Variants in ROBO1 observed in about 807,000 individuals in gnomAD.
The protein encoded by ROBO1 is roundabout guidance receptor 1, also known as roundabout homolog 1.
A neutral mutation model predicts 195.9 loss-of-function variants in ROBO1; 149 were observed. The observed-to-expected ratio is 0.76, with a 90% CI of 0.67 to 0.87. The LOEUF is 0.87. Ranked by LOEUF, ROBO1 falls within the 40% of genes least tolerant of loss-of-function variation. ROBO1 has a pLI of 0.00. For missense variants in ROBO1, 1,933 were observed against 2,068.3 expected (o/e 0.93, Z 1.27); for synonymous variants, 816 against 733.2 (o/e 1.11, Z -1.82).
intron 2 of ROBO1, among the ~76,000 whole-genome samples, chr3:79,356,115 C>T (rs1468169635): frequency 2.0e-5 from 3 of 152,084 alleles, no homozygotes; most frequent in African/African-American, 7.2e-5. Flanking sequence ...CCGAGGCAGG[C>T]AGATCACTTG....
chr3:79,343,356 G>GTGTGGT (rs1231052610), intron 2 of ROBO1, among the ~76,000 whole-genome samples: 1 of 152,166 alleles, frequency 6.6e-6, no homozygotes, highest in Non-Finnish European at 1.5e-5. Flanking sequence ...ATACCGAGGA[G>GTGTGGT]TGTGGTTGCT....
chr3:79,041,406 G>A (rs1325350089), intron 3 of ROBO1, among the ~76,000 whole-genome samples: 1 of 151,790 alleles, frequency 6.6e-6, no homozygotes, highest in Non-Finnish European at 1.5e-5. Context: ...ATATTTGAGA[G>A]GTATTGCCTC....
intron 4 of ROBO1, among the ~76,000 whole-genome samples, chr3:78,936,101 GA>G (rs1247657831): frequency 6.6e-6 from 1 of 151,886 alleles, no homozygotes; most frequent in African/African-American, 2.4e-5. Context: ...CTGATAAATA[GA>G]ATAACTTTGG....
At chr3:79,737,656 C>CAAAA (rs11381251) in intron 1 of ROBO1, among the ~76,000 whole-genome samples, 9 of 149,130 alleles carry the variant, frequency 6.0e-5, no homozygotes, top group African/African-American at 1.5e-4. Context: ...TTTGTCCTAT[C>CAAAA]AAAAAAAAAA....
chr3:79,486,786 A>G (rs1237854131), intron 2 of ROBO1, among the ~76,000 whole-genome samples: 1 of 152,160 alleles, frequency 6.6e-6, no homozygotes, highest in Non-Finnish European at 1.5e-5. Flanking sequence ...AAGGCAAATA[A>G]AAAGAAGCAA....
At chr3:79,686,970 C>A (rs532986385) in intron 1 of ROBO1, among the ~76,000 whole-genome samples, 1 of 152,136 alleles carries the variant, frequency 6.6e-6, no homozygotes, top group African/African-American at 2.4e-5. Context: ...TCAAACTATA[C>A]TATAAGGCTA....
At chr3:79,671,113 A>C (rs747034964) in intron 1 of ROBO1, among the ~76,000 whole-genome samples, 3 of 151,856 alleles carry the variant, frequency 2.0e-5, no homozygotes, top group Non-Finnish European at 4.4e-5. Context: ...GACAGGTATA[A>C]AAATTAGATA....
chr3:78,806,737 G>C (rs2108603994), intron 4 of ROBO1, among the ~76,000 whole-genome samples: 1 of 152,204 alleles, frequency 6.6e-6, no homozygotes, highest in South Asian at 2.1e-4. Context: ...TAATGATTTA[G>C]ATCTTCTAAA....
chr3:78,833,758 G>T (rs752762829), intron 4 of ROBO1, among the ~76,000 whole-genome samples: 1 of 152,094 alleles, frequency 6.6e-6, no homozygotes, highest in Non-Finnish European at 1.5e-5. Context: ...TGACCAATAA[G>T]CAGTAGGCAG....
intron 4 of ROBO1, among the ~76,000 whole-genome samples, chr3:78,824,205 T>C (rs1037739364): frequency 1.3e-5 from 2 of 152,190 alleles, no homozygotes; most frequent in Admixed American, 1.3e-4. Context: ...CATTAGTCAG[T>C]GGCAAGGAGA....
intron 3 of ROBO1, among the ~76,000 whole-genome samples, chr3:78,978,735 G>A (rs1033483135): frequency 9.9e-5 from 15 of 152,256 alleles, no homozygotes; most frequent in Middle Eastern, 3.4e-3. Flanking sequence ...AAGAAGTAAA[G>A]GGCCAGATGA....
intron 4 of ROBO1, among the ~76,000 whole-genome samples, chr3:78,796,268 G>T (rs1482025322): frequency 1.6e-4 from 3 of 18,584 alleles, no homozygotes; most frequent in Non-Finnish European, 3.2e-4. Context: ...CAAATAATAA[G>T]AAATATCTGC....
At chr3:78,655,601 G>A (rs912222375) in intron 18 of ROBO1, among the ~76,000 whole-genome samples, 5 of 152,228 alleles carry the variant, frequency 3.3e-5, no homozygotes, top group African/African-American at 7.2e-5. Context: ...ATCTATTACC[G>A]CAACTCACAT....
At chr3:79,374,395 C>G (rs2036309857) in intron 2 of ROBO1, among the ~76,000 whole-genome samples, 1 of 152,076 alleles carries the variant, frequency 6.6e-6, no homozygotes, top group Admixed American at 6.5e-5. Context: ...GTTGAAAATA[C>G]AGACTCTAAC....
intron 2 of ROBO1, among the ~76,000 whole-genome samples, chr3:79,211,617 G>A (rs1159647270): frequency 2.0e-5 from 3 of 152,180 alleles, no homozygotes; most frequent in African/African-American, 7.2e-5. Flanking sequence ...TTTAAAGGAG[G>A]AATGCCTGGG....
At chr3:79,423,148 T>C (rs2038300975) in intron 2 of ROBO1, among the ~76,000 whole-genome samples, 2 of 152,198 alleles carry the variant, frequency 1.3e-5, no homozygotes, top group Admixed American at 1.3e-4. Flanking sequence ...TTCAATTATG[T>C]AACAAACCTG....
intron 1 of ROBO1, among the ~76,000 whole-genome samples, chr3:79,660,845 T>A (rs976141335): frequency 1.3e-5 from 2 of 152,098 alleles, no homozygotes; most frequent in Non-Finnish European, 2.9e-5. Flanking sequence ...GTCTGTGTTA[T>A]GCCACGTAGT....
In ROBO1 at chr3:79,361,571, CATT is replaced by C. The variant is rs1356477667; in HGVS notation, c.88+228250_88+228252del. ...AGCAGTGAGCAGTTTTTGTAGAAGA[CATT>C]AATAAAGATTGGCAAGGACGAAAAT... On this transcript the variant is annotated intron_variant, in intron 2 of 30. Coordinates refer to ENST00000464233, the MANE Select transcript of ROBO1 (RefSeq NM_002941.4). Among the ~76,000 whole-genome samples the C allele has an allele frequency of 1.4e-4, 21 of 152,120 alleles. No homozygotes were observed. In the South Asian group the frequency reaches 1.7e-3, roughly 12 times the overall value.
At chr3:79,488,287 G>A (rs181772705) in intron 2 of ROBO1, among the ~76,000 whole-genome samples, 32 of 152,096 alleles carry the variant, frequency 2.1e-4, no homozygotes, top group Admixed American at 2.6e-4. Context: ...CTTCCCCTCC[G>A]TTTGCCCAAC....
Sources: allele counts gnomAD v4.1 joint callset (sites outside exome capture counted in the v4.1 genomes callset), GRCh38; gene constraint gnomAD v4.1.1; transcripts MANE v1.5; gene names NCBI Gene and HGNC (gene_info 2026-07-23, HGNC 2026-07-21).